The following GALNT13 variants were observed in gnomAD, a reference collection of about 807,000 sequenced individuals.
GALNT13 encodes polypeptide N-acetylgalactosaminyltransferase 13.
In GALNT13, 28 loss-of-function variants were observed where a neutral mutation model predicts 64.2. The observed-to-expected ratio is 0.44, with a 90% CI of 0.32 to 0.60. The LOEUF (loss-of-function observed/expected upper bound fraction) is 0.60, where lower values mean the gene tolerates loss of function less well. Among genes scored for constraint, GALNT13 ranks in the 20% least tolerant of loss-of-function variants. GALNT13 has a pLI of 0.05. For synonymous variants in GALNT13, 214 were observed against 224.6 expected (o/e 0.95, Z 0.42); for missense variants, 577 against 669.8 (o/e 0.86, Z 1.53).
intron 3 of GALNT13, among the ~76,000 whole-genome samples, chr2:154,037,438 A>C (rs964269321): frequency 6.6e-6 from 1 of 152,158 alleles, no homozygotes; most frequent in Non-Finnish European, 1.5e-5. Flanking sequence ...TTCCCTCTAA[A>C]CACTGGAACT....
rs531985338 is a variant in GALNT13, at chr2:154,446,779, A to G, written c.1531-3632A>G. ...TGATTTTTGGAGGTTTGTGTTGCAG[A>G]TTTTATTAAATTTATTTTAGCATTT... On this transcript the variant is annotated intron_variant, in intron 12 of 12. Coordinates refer to ENST00000392825, the MANE Select transcript of GALNT13 (RefSeq NM_052917.4). 3 of 1,467,698 alleles carry G rather than the reference A, an allele frequency of 2.0e-6. No individual in the cohort carries two copies. In the African/African-American group the frequency reaches 4.3e-5, roughly 21 times the overall value. 90.9% of individuals were successfully genotyped at this position (1,467,698 alleles called of 1,614,324 possible). A position where few individuals can be genotyped will look rare whatever the true frequency, so the allele number is the denominator to read the frequency against.
the GALNT13 span, among the ~76,000 whole-genome samples, chr2:153,543,559 G>A: frequency 6.6e-6 from 1 of 152,184 alleles, no homozygotes; most frequent in African/African-American, 2.4e-5. Context: ...ACATGTTAGG[G>A]AGATGGAATG....
At chr2:154,173,729 A>T (rs1685493038) in intron 4 of GALNT13, among the ~76,000 whole-genome samples, 1 of 152,140 alleles carries the variant, frequency 6.6e-6, no homozygotes, top group African/African-American at 2.4e-5. Flanking sequence ...AAAAGGTCTG[A>T]ATAGACATTT....
At chr2:154,145,867 A>T (rs918263697) in intron 4 of GALNT13, among the ~76,000 whole-genome samples, 1 of 152,034 alleles carries the variant, frequency 6.6e-6, no homozygotes, top group African/African-American at 2.4e-5. Context: ...AAATATGATA[A>T]ATGTAGCATT....
chr2:153,668,630 A>G, the GALNT13 span, among the ~76,000 whole-genome samples: 104 of 152,236 alleles, frequency 6.8e-4, no homozygotes, highest in African/African-American at 2.4e-3. Context: ...GCTGGGAACC[A>G]AGCACAGGGC....
chr2:153,924,195 G>A (rs67472028), intron 2 of GALNT13, among the ~76,000 whole-genome samples: 8,230 of 151,796 alleles, frequency 0.054, 326 homozygotes, highest in South Asian at 0.11. Context: ...TATTCTTCCT[G>A]ATGCACTCCC....
At chr2:153,595,532 T>A in the GALNT13 span, among the ~76,000 whole-genome samples, 3 of 151,992 alleles carry the variant, frequency 2.0e-5, no homozygotes, top group African/African-American at 7.2e-5. Flanking sequence ...CCTTATTTCA[T>A]AAAGCCATTA....
the GALNT13 span, among the ~76,000 whole-genome samples, chr2:153,364,930 C>A: frequency 6.6e-6 from 1 of 152,028 alleles, no homozygotes; most frequent in Non-Finnish European, 1.5e-5. Flanking sequence ...GCCCATGGAG[C>A]CAAGACAAGC....
chr2:153,835,479 G>A, the GALNT13 span, among the ~76,000 whole-genome samples: 1 of 151,948 alleles, frequency 6.6e-6, no homozygotes, highest in African/African-American at 2.4e-5. Flanking sequence ...AATAAAGAAT[G>A]CAGTCATTTA....
At chr2:154,026,484 G>C (rs1409837313) in intron 3 of GALNT13, among the ~76,000 whole-genome samples, 4 of 152,148 alleles carry the variant, frequency 2.6e-5, no homozygotes, top group African/African-American at 9.7e-5. Flanking sequence ...AGACTGGGTG[G>C]TATAAACAAC....
At chr2:153,073,526 G>T in the GALNT13 span, among the ~76,000 whole-genome samples, 1 of 151,534 alleles carries the variant, frequency 6.6e-6, no homozygotes, top group African/African-American at 2.4e-5. Context: ...CTCCCACCAA[G>T]ATTCAATAAT....
the GALNT13 span, among the ~76,000 whole-genome samples, chr2:153,413,067 G>A: frequency 8.4e-3 from 1,276 of 152,228 alleles, 13 homozygotes; most frequent in African/African-American, 0.028. Flanking sequence ...GATGAGGTGA[G>A]GGAGAATTTA....
intron 4 of GALNT13, among the ~76,000 whole-genome samples, chr2:154,150,977 G>T (rs989962329): frequency 6.6e-6 from 1 of 152,068 alleles, no homozygotes; most frequent in Non-Finnish European, 1.5e-5. Context: ...GTTAGCTTTT[G>T]AATGTGTTTG....
chr2:154,221,132 A>G (rs1573903284), intron 4 of GALNT13, among the ~76,000 whole-genome samples: 2 of 152,190 alleles, frequency 1.3e-5, no homozygotes, highest in South Asian at 2.1e-4. Context: ...TAGTAATAAA[A>G]TGCACAAATT....
At chr2:153,532,539 A>G in the GALNT13 span, among the ~76,000 whole-genome samples, 1 of 152,188 alleles carries the variant, frequency 6.6e-6, no homozygotes, top group Non-Finnish European at 1.5e-5. Context: ...CTCTTTACTT[A>G]TGCAAATTTC....
intron 3 of GALNT13, among the ~76,000 whole-genome samples, chr2:154,074,403 G>A (rs1222390975): frequency 6.6e-6 from 1 of 151,834 alleles, no homozygotes; most frequent in African/African-American, 2.4e-5. Flanking sequence ...CATTTATTGA[G>A]GACAATTAGG....
intron 3 of GALNT13, among the ~76,000 whole-genome samples, chr2:154,057,316 A>T (rs1699941923): frequency 6.6e-6 from 1 of 152,226 alleles, no homozygotes; most frequent in Non-Finnish European, 1.5e-5. Flanking sequence ...GGTGCGAGCC[A>T]CCACGCCCGG....
chr2:153,912,572 T>G (rs1689027578), intron 2 of GALNT13, among the ~76,000 whole-genome samples: 1 of 143,474 alleles, frequency 7.0e-6, no homozygotes, highest in Admixed American at 6.9e-5. Flanking sequence ...TCCTATCATT[T>G]AGATGTTTTT....
At chr2:153,709,989 G>A in the GALNT13 span, among the ~76,000 whole-genome samples, 4 of 151,990 alleles carry the variant, frequency 2.6e-5, no homozygotes, top group East Asian at 1.9e-4. Flanking sequence ...TGGGGTGGAC[G>A]CAATGTGGAA....
Sources: gnomAD v4.1 joint callset for allele counts (sites outside exome capture counted in the v4.1 genomes callset) on GRCh38, gnomAD v4.1.1 for gene constraint, MANE v1.5 for transcripts, NCBI Gene and HGNC (gene_info 2026-07-23, HGNC 2026-07-21) for gene names.